Variants in SDK2 observed in about 807,000 individuals in gnomAD.
The protein encoded by SDK2 is protein sidekick-2.
A neutral mutation model predicts 253.9 loss-of-function variants in SDK2; 105 were observed. The observed-to-expected ratio is 0.41, with a 90% CI of 0.35 to 0.49. The LOEUF (loss-of-function observed/expected upper bound fraction) is 0.49, where lower values mean the gene tolerates loss of function less well. SDK2 is among the 20% of genes least tolerant of loss of function. The pLI is 0.06. For missense variants in SDK2, 2,608 were observed against 3,003.0 expected (o/e 0.87, Z 3.07); for synonymous variants, 1,249 against 1,234.9 (o/e 1.01, Z -0.24).
chr17:73,637,192 T>G (rs1599744058), intron 1 of SDK2, among the ~76,000 whole-genome samples: 1 of 152,096 alleles, frequency 6.6e-6, no homozygotes, highest in Non-Finnish European at 1.5e-5. Flanking sequence ...ACCCTCTGTA[T>G]GAAATGCAGA....
rs1190163368 is a variant in SDK2 at position 73,399,162 on chromosome 17, C to G, written c.3093+6G>C. ...GGCTGCTGGTCAGGCCCCAGGCCTG[C>G]CCTACCTGGGCTTCCACCAGCCAGC... is the stretch of plus-strand genomic sequence containing the variant. On this transcript the variant is annotated splice_donor_region_variant and intron_variant, in intron 22 of 44. Transcript: ENST00000392650. The G allele has an allele frequency of 6.2e-7, 1 of 1,613,190 alleles. No homozygotes were observed. Among genetic ancestry groups the G allele is most frequent in the Non-Finnish European group, 8.5e-7 (1 of 1,179,822 alleles).
chr17:73,572,944 CT>C (rs1285800998), intron 1 of SDK2, among the ~76,000 whole-genome samples: 1 of 152,202 alleles, frequency 6.6e-6, no homozygotes, highest in African/African-American at 2.4e-5. Flanking sequence ...GCCTTCTTAT[CT>C]CTTTCTTCCT....
At chr17:73,584,011 T>C (rs548319684) in intron 1 of SDK2, among the ~76,000 whole-genome samples, 93 of 152,288 alleles carry the variant, frequency 6.1e-4, no homozygotes, top group African/African-American at 2.1e-3. Context: ...CAGAGGAAAC[T>C]TGGGGTTGTG....
intron 18 of SDK2, among the ~76,000 whole-genome samples, chr17:73,402,943 A>G (rs1260427060): frequency 6.6e-6 from 1 of 152,076 alleles, no homozygotes; most frequent in Non-Finnish European, 1.5e-5. Context: ...GATTACAGAC[A>G]TGCACCACCA....
chr17:73,497,858 G>A (rs777188274), intron 2 of SDK2, among the ~76,000 whole-genome samples: 2 of 152,118 alleles, frequency 1.3e-5, no homozygotes, highest in African/African-American at 2.4e-5. Flanking sequence ...AGAGCTAAAC[G>A]CCCCTACTTG....
chr17:73,365,828 AAAG>A (rs755239912), intron 37 of SDK2, among the ~76,000 whole-genome samples: 111 of 152,076 alleles, frequency 7.3e-4, no homozygotes, highest in Non-Finnish European at 1.3e-3. Flanking sequence ...GGCGCTAAAC[AAAG>A]AAGACACCAG....
At chr17:73,582,866 C>T (rs941617369) in intron 1 of SDK2, among the ~76,000 whole-genome samples, 3 of 152,196 alleles carry the variant, frequency 2.0e-5, no homozygotes, top group Admixed American at 6.5e-5. Context: ...TCAGGACTCA[C>T]GTCTCGTCAG....
chr17:73,460,952 T>G (rs1454497692), intron 3 of SDK2, among the ~76,000 whole-genome samples: 1 of 152,194 alleles, frequency 6.6e-6, no homozygotes, highest in African/African-American at 2.4e-5. Context: ...TTAGCTCCAT[T>G]TTGCTGGTGA....
At chr17:73,407,687 T>C (rs979029783) in intron 18 of SDK2, among the ~76,000 whole-genome samples, 12 of 152,202 alleles carry the variant, frequency 7.9e-5, no homozygotes, top group African/African-American at 2.9e-4. Context: ...AGCCTCTGCC[T>C]CATCCTCCCA....
At chr17:73,548,495 TG>T (rs2045003170) in intron 1 of SDK2, among the ~76,000 whole-genome samples, 1 of 152,196 alleles carries the variant, frequency 6.6e-6, no homozygotes, top group South Asian at 2.1e-4. Flanking sequence ...CCTCCTGGGG[TG>T]GGGGACAGAT....
intron 2 of SDK2, among the ~76,000 whole-genome samples, chr17:73,504,865 A>C (rs1169798732): frequency 6.6e-6 from 1 of 152,152 alleles, no homozygotes; most frequent in Non-Finnish European, 1.5e-5. Flanking sequence ...CTATGCCAGC[A>C]GGAGCAGATC....
At chr17:73,486,608 T>C (rs979786323) in intron 2 of SDK2, among the ~76,000 whole-genome samples, 2 of 108,758 alleles carry the variant, frequency 1.8e-5, no homozygotes, top group Non-Finnish European at 3.8e-5. Flanking sequence ...AGACTCTGCT[T>C]CTAAAAAAAA....
intron 44 of SDK2, among the ~76,000 whole-genome samples, chr17:73,345,550 C>A (rs1411969664): frequency 6.6e-6 from 1 of 152,108 alleles, no homozygotes; most frequent in East Asian, 1.9e-4. Flanking sequence ...GGGTACAGAA[C>A]AAATAGCTGT....
rs148823329 is a variant in SDK2 at position 73,376,171 on chromosome 17, C to T, written c.4980+3006G>A. ...ATTGCACCACTGCACTTCAGCCTGG[C>T]GGCAGAGCAAGACTCCGTGTCAAAA... On this transcript the variant is annotated intron_variant, in intron 36 of 44. Coordinates refer to ENST00000392650, the MANE Select transcript of SDK2 (RefSeq NM_001144952.2). 2.1e-3 allele frequency among the ~76,000 whole-genome samples: 318 copies of T among 149,254 alleles called. 3 individuals carry two copies. Among genetic ancestry groups the T allele is most frequent in the African/African-American group, 6.8e-3 (276 of 40,470 alleles).
chr17:73,523,793 G>C (rs574665349), intron 1 of SDK2, among the ~76,000 whole-genome samples: 13 of 151,466 alleles, frequency 8.6e-5, no homozygotes, highest in South Asian at 2.1e-4. Flanking sequence ...TAACAGGCCA[G>C]CACTGCGCAG....
At chr17:73,579,580 C>T (rs570543652) in intron 1 of SDK2, among the ~76,000 whole-genome samples, 1 of 152,334 alleles carries the variant, frequency 6.6e-6, no homozygotes, top group South Asian at 2.1e-4. Flanking sequence ...CCCTGCACCT[C>T]AGCATGCAGC....
chr17:73,466,722 C>G (rs1107385), intron 3 of SDK2, among the ~76,000 whole-genome samples: 15,785 of 145,970 alleles, frequency 0.11, 2,564 homozygotes, highest in East Asian at 0.25. Flanking sequence ...AACGCCCCCC[C>G]CCCCCGGCTT....
At chr17:73,399,093 A>T in intron 22 of SDK2, 75 bp downstream of exon 22, 1 of 1,491,386 alleles carries the variant, frequency 6.7e-7, no homozygotes, top group East Asian at 2.3e-5. Flanking sequence ...AGGCCGAAAT[A>T]CACATAAGAT....
At chr17:73,584,179 G>A (rs2045573501) in intron 1 of SDK2, among the ~76,000 whole-genome samples, 1 of 152,220 alleles carries the variant, frequency 6.6e-6, no homozygotes, top group Non-Finnish European at 1.5e-5. Context: ...CCAACCGAGA[G>A]AGCTGGGCAG....
Sources: gnomAD v4.1 joint callset for allele counts (sites outside exome capture counted in the v4.1 genomes callset) on GRCh38, gnomAD v4.1.1 for gene constraint, MANE v1.5 for transcripts, NCBI Gene and HGNC (gene_info 2026-07-23, HGNC 2026-07-21) for gene names.